GAREM1: variants seen among roughly 807,000 people sequenced by gnomAD.
GAREM1 encodes the protein GRB2-associated and regulator of MAPK protein 1.
Under a neutral mutation model 71.3 loss-of-function variants are expected in GAREM1, and 26 were observed. The observed-to-expected ratio is 0.36, with a 90% CI of 0.27 to 0.51. The LOEUF is 0.51. Among genes scored for constraint, GAREM1 ranks in the 20% least tolerant of loss-of-function variants. GAREM1 has a pLI of 0.95. For missense variants in GAREM1, 1,026 were observed against 1,103.1 expected, an observed-to-expected ratio of 0.93 and a Z score of 0.99; for synonymous variants, 440 against 433.2, an observed-to-expected ratio of 1.02 and a Z score of -0.20.
chr18:32,457,165 G>A (rs1322765923), intron 1 of GAREM1, among the ~76,000 whole-genome samples: 3 of 136,532 alleles, frequency 2.2e-5, no homozygotes, highest in Non-Finnish European at 4.7e-5. Context: ...ATGTAAAATT[G>A]TGTGTGGGGG....
At chr18:32,335,693 G>T (rs1168346088) in intron 2 of GAREM1, among the ~76,000 whole-genome samples, 1 of 152,206 alleles carries the variant, frequency 6.6e-6, no homozygotes, top group Non-Finnish European at 1.5e-5. Flanking sequence ...ATGCTTGATA[G>T]ATAACTCCAC....
chr18:32,328,700 G>A (rs1454313981), intron 2 of GAREM1, among the ~76,000 whole-genome samples: 1 of 152,110 alleles, frequency 6.6e-6, no homozygotes, highest in Non-Finnish European at 1.5e-5. Flanking sequence ...CTCTGGTGCT[G>A]GTAAAACTGG....
chr18:32,406,229 C>T (rs886116111), intron 1 of GAREM1, among the ~76,000 whole-genome samples: 8 of 151,952 alleles, frequency 5.3e-5, no homozygotes, highest in African/African-American at 1.5e-4. Context: ...GGGGTTTCAC[C>T]ATGTTGCCCA....
intron 4 of GAREM1, among the ~76,000 whole-genome samples, chr18:32,271,776 T>C (rs1334187986): frequency 6.6e-6 from 1 of 152,190 alleles, no homozygotes; most frequent in Admixed American, 6.5e-5. Context: ...TGTCCATGGC[T>C]TCTCTGAGAC....
intron 1 of GAREM1, among the ~76,000 whole-genome samples, chr18:32,447,013 T>C (rs113560914): frequency 8.5e-5 from 13 of 152,342 alleles, no homozygotes; most frequent in South Asian, 2.1e-4. Context: ...AGGCCATCAA[T>C]GGCCCTGATT....
intron 1 of GAREM1, among the ~76,000 whole-genome samples, chr18:32,420,570 C>T (rs1469754629): frequency 6.6e-6 from 1 of 151,974 alleles, no homozygotes; most frequent in Non-Finnish European, 1.5e-5. Context: ...ACTGGGAAAC[C>T]ATATACCCAT....
chr18:32,307,964 T>A (rs2047272324), intron 3 of GAREM1, among the ~76,000 whole-genome samples: 1 of 152,218 alleles, frequency 6.6e-6, no homozygotes, highest in South Asian at 2.1e-4. Context: ...ACAAAACCTT[T>A]TGTGTATTTC....
chr18:32,268,960 T>C (rs1030392628), intron 5 of GAREM1, among the ~76,000 whole-genome samples, 192 bp from the exon 6 acceptor site: 4 of 152,180 alleles, frequency 2.6e-5, no homozygotes, highest in Admixed American at 2.6e-4. Flanking sequence ...TGTAGATATG[T>C]ACATAATGAT....
intron 2 of GAREM1, among the ~76,000 whole-genome samples, chr18:32,332,922 A>G (rs947734881): frequency 1.3e-5 from 2 of 152,158 alleles, no homozygotes; most frequent in African/African-American, 4.8e-5. Flanking sequence ...GGCCTAGGAC[A>G]TGGATTGAAA....
At chr18:32,339,222 T>C (rs1010690302) in intron 2 of GAREM1, among the ~76,000 whole-genome samples, 5 of 152,248 alleles carry the variant, frequency 3.3e-5, no homozygotes, top group African/African-American at 1.2e-4. Flanking sequence ...GTTTTTAACA[T>C]GAAACCATGA....
chr18:32,470,708 G>A lies in GAREM1; in HGVS notation c.-280C>T, dbSNP rs2049046545. 6.7e-6 allele frequency among the ~76,000 whole-genome samples: 1 copy of A among 149,508 alleles called. No individual in the cohort carries two copies. ...CCGCGCGGCTGCGGGCGGCGGCGGC[G>A]GCCCGGGTGGCTGCGGCGGCTCCCG... is the stretch of plus-strand genomic sequence containing the variant. On this transcript the variant is annotated 5_prime_UTR_variant, in exon 1 of 6. Coordinates refer to ENST00000269209, the MANE Select transcript of GAREM1 (RefSeq NM_001242409.2). The surrounding 1 kb of genome is among the most constrained non-coding windows in gnomAD (Gnocchi z 4.4).
chr18:32,373,704 T>C (rs931494), intron 2 of GAREM1, among the ~76,000 whole-genome samples: 13,665 of 152,264 alleles, frequency 0.09, 993 homozygotes, highest in African/African-American at 0.2. Context: ...GGTTGGTCAC[T>C]AGGTGCCATC....
chr18:32,441,970 T>C (rs535472713), intron 1 of GAREM1, among the ~76,000 whole-genome samples: 1 of 151,828 alleles, frequency 6.6e-6, no homozygotes, highest in East Asian at 2.0e-4. Context: ...CTTCCATCCA[T>C]AATCAAGGCA....
intron 3 of GAREM1, among the ~76,000 whole-genome samples, chr18:32,295,054 T>TTTG (rs369924248): frequency 2.0e-5 from 3 of 152,128 alleles, no homozygotes; most frequent in Admixed American, 6.5e-5. Flanking sequence ...TATGTTTATT[T>TTTG]TTGTTGTTGT....
rs749624940 is a variant in GAREM1 at position 32,287,312 on chromosome 18, T to C, written c.1285A>G (p.Ser429Gly). Residue 429 changes from serine to glycine, a missense_variant, in exon 4 of 6, where the codon AGT (serine) becomes GGT (glycine). Around this residue, in one of 3 missense-constraint regions of GAREM1, gnomAD observed 636 missense variants for 631.2 expected, o/e 1.01. Coordinates refer to ENST00000269209, the MANE Select transcript of GAREM1 (RefSeq NM_001242409.2). The surrounding 1 kb of genome is among the most constrained non-coding windows in gnomAD (Gnocchi z 5.9). ...DILPYQDSGD[S>G]GSDYLFPEAS... The stretch of plus-strand genomic sequence containing the variant: ...TCTGGGAAAAGGTAGTCGCTCCCAC[T>C]ATCTCCAGAGTCCTGATAGGGCAGG... 6.2e-7 allele frequency: 1 copy of C among 1,614,186 alleles called. No individual in the cohort carries two copies. Among genetic ancestry groups the C allele is most frequent in the African/African-American group, 1.3e-5 (1 of 75,058 alleles).
intron 2 of GAREM1, among the ~76,000 whole-genome samples, chr18:32,353,985 C>T (rs558539569): frequency 6.6e-6 from 1 of 152,186 alleles, no homozygotes; most frequent in South Asian, 2.1e-4. Context: ...AAAAGATGCC[C>T]TATTGGTATA....
chr18:32,426,076 T>C (rs985592482), intron 1 of GAREM1, among the ~76,000 whole-genome samples: 1 of 152,202 alleles, frequency 6.6e-6, no homozygotes, highest in African/African-American at 2.4e-5. Context: ...TGGAGTGCAG[T>C]GGTGTGATCT....
chr18:32,401,803 C>G (rs2048318644), intron 1 of GAREM1, among the ~76,000 whole-genome samples: 1 of 152,198 alleles, frequency 6.6e-6, no homozygotes, highest in African/African-American at 2.4e-5. Flanking sequence ...TTAATTTTAT[C>G]CCACAGTGGG....
intron 2 of GAREM1, among the ~76,000 whole-genome samples, chr18:32,321,727 T>C (rs1320139563): frequency 6.6e-6 from 1 of 152,204 alleles, no homozygotes; most frequent in Non-Finnish European, 1.5e-5. Flanking sequence ...CTCCATTCTT[T>C]TTCTTACATT....
Sources: allele counts gnomAD v4.1 joint callset (sites outside exome capture counted in the v4.1 genomes callset), GRCh38; gene constraint gnomAD v4.1.1; regional missense constraint gnomAD v4.1.1; non-coding constraint Gnocchi (gnomAD v3.1); transcripts MANE v1.5; gene names NCBI Gene and HGNC (gene_info 2026-07-23, HGNC 2026-07-21).